RGS7: variants seen among roughly 807,000 people sequenced by gnomAD.
RGS7 encodes the protein regulator of G protein signaling 7.
RGS7 carries 27 observed loss-of-function variants against 81.1 expected under a neutral mutation model. The observed-to-expected ratio is 0.33, with a 90% CI of 0.25 to 0.46. The LOEUF (loss-of-function observed/expected upper bound fraction) is 0.46, where lower values mean the gene tolerates loss of function less well. RGS7 is among the 20% of genes least tolerant of loss of function. RGS7 has a pLI of 1.00. For synonymous variants in RGS7, 208 were observed against 207.7 expected, an observed-to-expected ratio of 1.00 and a Z score of -0.01; for missense variants, 396 against 607.4, an observed-to-expected ratio of 0.65 and a Z score of 3.66.
intron 2 of RGS7, among the ~76,000 whole-genome samples, chr1:241,142,506 A>G (rs537901528): frequency 8.0e-4 from 122 of 152,302 alleles, no homozygotes; most frequent in African/African-American, 2.8e-3. Context: ...ACCATGTGGA[A>G]GCTGCCAAAG....
chr1:241,245,346 C>T (rs1342356325), intron 2 of RGS7, among the ~76,000 whole-genome samples: 1 of 150,516 alleles, frequency 6.6e-6, no homozygotes, highest in East Asian at 1.9e-4. Context: ...CACCTCCCCA[C>T]ACCCCCCTCC....
intron 4 of RGS7, among the ~76,000 whole-genome samples, chr1:240,957,720 G>A (rs914844400): frequency 6.6e-6 from 1 of 152,204 alleles, no homozygotes; most frequent in Non-Finnish European, 1.5e-5. Context: ...GTTGTGACAA[G>A]TATATCGTAC....
chr1:241,309,193 T>C (rs866372616), intron 2 of RGS7, among the ~76,000 whole-genome samples: 1 of 151,712 alleles, frequency 6.6e-6, no homozygotes, highest in Non-Finnish European at 1.5e-5. Flanking sequence ...TCGAGACCAA[T>C]CTGGTCAATG....
intron 2 of RGS7, among the ~76,000 whole-genome samples, chr1:241,239,395 G>T (rs1356312806): frequency 6.6e-6 from 1 of 152,082 alleles, no homozygotes; most frequent in Non-Finnish European, 1.5e-5. Context: ...CATCCAGCAT[G>T]CTCTCCACCT....
intron 3 of RGS7, among the ~76,000 whole-genome samples, chr1:241,022,520 T>C (rs1300073490): frequency 6.6e-6 from 1 of 152,174 alleles, no homozygotes; most frequent in Non-Finnish European, 1.5e-5. Context: ...CACCAGCTGA[T>C]GCCACCCAGA....
At chr1:240,876,887 G>A (rs1665512537) in intron 6 of RGS7, among the ~76,000 whole-genome samples, 1 of 152,134 alleles carries the variant, frequency 6.6e-6, no homozygotes, top group African/African-American at 2.4e-5. Context: ...CTTAAACCCA[G>A]GAGGCAGAGG....
chr1:240,931,484 A>T (rs1001062728), intron 5 of RGS7, among the ~76,000 whole-genome samples: 6 of 152,190 alleles, frequency 3.9e-5, no homozygotes, highest in Non-Finnish European at 8.8e-5. Context: ...TGGAGATCCC[A>T]TTCTCCATGA....
rs768226625 is a variant in RGS7 at position 241,214,583 on chromosome 1, A to AT, written c.79-115822dup. Among the ~76,000 whole-genome samples, 20 of 151,988 alleles carry AT rather than the reference A, an allele frequency of 1.3e-4. No individual in the cohort carries two copies. The East Asian group carries it at 1.5e-3, about 12-fold the overall frequency. Reference sequence around the variant, plus strand: ...ATTTTCAGCCAGAATTTCTTCAACTATTTTTTTCTTCTTCATTTTCTCTCT... The same window carrying AT: ...ATTTTCAGCCAGAATTTCTTCAACTATTTTTTTTCTTCTTCATTTTCTCTCT... On this transcript the variant is annotated intron_variant, in intron 2 of 18. Transcript: ENST00000440928.
chr1:240,805,155 G>T (rs2103067352), intron 15 of RGS7, among the ~76,000 whole-genome samples: 1 of 152,080 alleles, frequency 6.6e-6, no homozygotes, highest in African/African-American at 2.4e-5. Flanking sequence ...TGGGAGGATT[G>T]CTTGAGCCCA....
chr1:241,123,946 C>G (rs10926415), intron 2 of RGS7, among the ~76,000 whole-genome samples: 53,362 of 151,920 alleles, frequency 0.35, 11,162 homozygotes, highest in East Asian at 0.65. Context: ...TTCCCTTTGG[C>G]GAAAGTTTGA....
intron 9 of RGS7, among the ~76,000 whole-genome samples, chr1:240,845,894 A>G (rs1658989812): frequency 6.6e-6 from 1 of 152,208 alleles, no homozygotes; most frequent in Non-Finnish European, 1.5e-5. Flanking sequence ...CTTCTCGATA[A>G]CTGACAAAGT....
At chr1:241,002,453 C>CAA (rs56234845) in intron 3 of RGS7, among the ~76,000 whole-genome samples, 11 of 145,766 alleles carry the variant, frequency 7.5e-5, no homozygotes, top group African/African-American at 2.5e-4. Context: ...AACTCTGTCT[C>CAA]AAAAAAAAAA....
rs1172225844 is a variant in RGS7 at position 241,090,439 on chromosome 1, A to G, written c.175+8227T>C. Among the ~76,000 whole-genome samples, 4 of 152,284 alleles carry G rather than the reference A, an allele frequency of 2.6e-5. No individual in the cohort carries two copies. In the East Asian group the frequency reaches 7.7e-4, roughly 29 times the overall value. ...ATGTGCAGTTTGAGACTTCTTTGAC[A>G]TACCCAAGCGAAAATACTGTATACA... On this transcript the variant is annotated intron_variant, in intron 3 of 18. Transcript: ENST00000440928.
chr1:240,816,374 A>G lies in RGS7; in HGVS notation c.726T>C (p.Pro242=), dbSNP rs1690798992. 1.2e-6 allele frequency: 2 copies of G among 1,611,794 alleles called. No individual in the cohort carries two copies. The highest frequency in any genetic ancestry group is 1.7e-6 in the Non-Finnish European group (2 of 1,177,944). ...GLQNDIRSHS[P]THTPTPETKP... is the part of the protein sequence containing the mutation. ...TAGTTTCTGGTGTGGGTGTGTGGGTAGGACTGTGACTTCTAATATCATTTT... is the reference window on the plus strand; with the variant it reads ...TAGTTTCTGGTGTGGGTGTGTGGGTGGGACTGTGACTTCTAATATCATTTT... Residue 242 remains proline (P), a synonymous_variant, in exon 11 of 19, where the codon CCT becomes CCC. Transcript: ENST00000440928.
chr1:241,318,009 T>C (rs2080990174), intron 2 of RGS7, among the ~76,000 whole-genome samples: 1 of 152,164 alleles, frequency 6.6e-6, no homozygotes, highest in Non-Finnish European at 1.5e-5. Context: ...TCCTGCCATC[T>C]TGGTGCCCCT....
chr1:241,178,885 T>C (rs577867398), intron 2 of RGS7, among the ~76,000 whole-genome samples: 2 of 152,322 alleles, frequency 1.3e-5, no homozygotes, highest in African/African-American at 4.8e-5. Context: ...TATTGTAAGA[T>C]TGATATGCAG....
intron 2 of RGS7, among the ~76,000 whole-genome samples, chr1:241,316,888 A>T (rs1255391548): frequency 6.6e-6 from 1 of 152,196 alleles, no homozygotes; most frequent in African/African-American, 2.4e-5. Context: ...AGATCATTTA[A>T]TAGTTTTCAG....
chr1:241,095,009 C>T (rs748056338), intron 3 of RGS7, among the ~76,000 whole-genome samples: 4 of 152,214 alleles, frequency 2.6e-5, no homozygotes, highest in Non-Finnish European at 5.9e-5. Flanking sequence ...TTCTTCCTAA[C>T]TGCTTTTTCC....
At chr1:241,069,771 T>G (rs908137522) in intron 3 of RGS7, among the ~76,000 whole-genome samples, 1 of 152,090 alleles carries the variant, frequency 6.6e-6, no homozygotes, top group African/African-American at 2.4e-5. Context: ...TCAAAACCGC[T>G]GTTGATTGGA....
Sources: allele counts gnomAD v4.1 joint callset (sites outside exome capture counted in the v4.1 genomes callset), GRCh38; gene constraint gnomAD v4.1.1; transcripts MANE v1.5; gene names NCBI Gene and HGNC (gene_info 2026-07-23, HGNC 2026-07-21).